The following DPYD variants were observed in gnomAD, a reference collection of about 807,000 sequenced individuals.
DPYD encodes dihydropyrimidine dehydrogenase.
DPYD carries 109 observed loss-of-function variants against 116.2 expected under a neutral mutation model. The observed-to-expected ratio is 0.94, with a 90% CI of 0.80 to 1.10. The LOEUF is 1.10. Ranked by LOEUF, DPYD falls within the 50% of genes least tolerant of loss-of-function variation. The pLI is 0.00. For synonymous variants in DPYD, 440 were observed against 432.0 expected, an observed-to-expected ratio of 1.02 and a Z score of -0.23; for missense variants, 1,302 against 1,254.5, an observed-to-expected ratio of 1.04 and a Z score of -0.57.
intron 3 of DPYD, among the ~76,000 whole-genome samples, chr1:97,768,315 T>C (rs1665975135): frequency 6.6e-6 from 1 of 152,156 alleles, no homozygotes; most frequent in Non-Finnish European, 1.5e-5. Flanking sequence ...AATGAGGCCA[T>C]AGACATGGGA....
chr1:97,478,763 A>G (rs1374972224), intron 13 of DPYD, among the ~76,000 whole-genome samples: 1 of 152,210 alleles, frequency 6.6e-6, no homozygotes, highest in Non-Finnish European at 1.5e-5. Flanking sequence ...TTCTTCCAAT[A>G]TAAGGCTGTT....
intron 3 of DPYD, among the ~76,000 whole-genome samples, chr1:97,753,444 T>G (rs879938048): frequency 6.6e-6 from 1 of 152,196 alleles, no homozygotes; most frequent in Non-Finnish European, 1.5e-5. Context: ...TATCCAGGTT[T>G]GACTTGCTCT....
At chr1:97,379,729 G>A (rs937983371) in intron 15 of DPYD, among the ~76,000 whole-genome samples, 1 of 152,192 alleles carries the variant, frequency 6.6e-6, no homozygotes, top group African/African-American at 2.4e-5. Context: ...TGAAGGGGCA[G>A]GACATGCAAC....
At chr1:97,145,666 G>T (rs900429275) in intron 20 of DPYD, among the ~76,000 whole-genome samples, 7 of 151,424 alleles carry the variant, frequency 4.6e-5, no homozygotes, top group African/African-American at 1.5e-4. Context: ...TCACTGTAAT[G>T]AATGCGTGCT....
At chr1:97,751,949 G>A (rs115350011) in intron 3 of DPYD, among the ~76,000 whole-genome samples, 3,329 of 151,984 alleles carry the variant, frequency 0.022, 65 homozygotes, top group Non-Finnish European at 0.035. Flanking sequence ...TTTTATTAGA[G>A]ACTTTCACCA....
intron 18 of DPYD, among the ~76,000 whole-genome samples, chr1:97,284,669 C>A (rs1314436430): frequency 6.6e-6 from 1 of 151,996 alleles, no homozygotes; most frequent in Non-Finnish European, 1.5e-5. Context: ...TCTGCTCCCC[C>A]ACTCCCATCC....
chr1:97,616,030 C>T (rs1362321967), intron 8 of DPYD, among the ~76,000 whole-genome samples: 1 of 152,076 alleles, frequency 6.6e-6, no homozygotes, highest in Non-Finnish European at 1.5e-5. Flanking sequence ...ACTGTCACTC[C>T]CTACCCCAAA....
At chr1:97,284,905 C>T (rs1341213601) in intron 18 of DPYD, among the ~76,000 whole-genome samples, 2 of 152,158 alleles carry the variant, frequency 1.3e-5, no homozygotes, top group Non-Finnish European at 2.9e-5. Context: ...CCATTTCCCA[C>T]GTATTTTCCT....
At chr1:97,729,403 G>T (rs2101044370) in intron 4 of DPYD, among the ~76,000 whole-genome samples, 1 of 152,232 alleles carries the variant, frequency 6.6e-6, no homozygotes, top group East Asian at 1.9e-4. Flanking sequence ...GCATGGATAA[G>T]ATGCCTATTC....
At chr1:97,640,849 C>G (rs1480422727) in intron 8 of DPYD, among the ~76,000 whole-genome samples, 1 of 152,124 alleles carries the variant, frequency 6.6e-6, no homozygotes, top group Non-Finnish European at 1.5e-5. Flanking sequence ...GAGGCCAAAA[C>G]AGTGATAGAA....
At chr1:97,158,766 G>GCACC (rs759657455) in intron 20 of DPYD, among the ~76,000 whole-genome samples, 15 of 152,094 alleles carry the variant, frequency 9.9e-5, no homozygotes, top group Non-Finnish European at 2.2e-4. Flanking sequence ...CAGAGAGGGA[G>GCACC]CACCAGATTC....
At chr1:97,833,886 C>T (rs897203001) in intron 2 of DPYD, among the ~76,000 whole-genome samples, 2 of 151,824 alleles carry the variant, frequency 1.3e-5, no homozygotes, top group African/African-American at 4.8e-5. Flanking sequence ...CATAAGACTC[C>T]TATGAGAGTA....
intron 8 of DPYD, among the ~76,000 whole-genome samples, chr1:97,671,508 CAAAA>C (rs1210794731): frequency 6.6e-6 from 1 of 151,578 alleles, no homozygotes; most frequent in Admixed American, 6.6e-5. Flanking sequence ...TTGTCAAAAA[CAAAA>C]AAAGATAAAA....
intron 9 of DPYD, among the ~76,000 whole-genome samples, chr1:97,594,641 A>G (rs1654752338): frequency 6.6e-6 from 1 of 152,166 alleles, no homozygotes; most frequent in African/African-American, 2.4e-5. Context: ...TAGGGTGTCT[A>G]TCAAAGTATT....
intron 19 of DPYD, among the ~76,000 whole-genome samples, chr1:97,229,803 T>C (rs529539459): frequency 2.0e-4 from 30 of 152,096 alleles, no homozygotes; most frequent in African/African-American, 7.2e-4. Context: ...AACCTATGTG[T>C]GAAACTTTAC....
At chr1:97,532,567 G>GTCTT (rs1649706646) in intron 12 of DPYD, among the ~76,000 whole-genome samples, 1 of 151,952 alleles carries the variant, frequency 6.6e-6, no homozygotes, top group Non-Finnish European at 1.5e-5. Flanking sequence ...TTTGTTATTG[G>GTCTT]TCTTTTCAGG....
chr1:97,846,172 C>A (rs559450389), intron 2 of DPYD, among the ~76,000 whole-genome samples: 3 of 152,294 alleles, frequency 2.0e-5, no homozygotes, highest in African/African-American at 7.2e-5. Flanking sequence ...AGGTTTCCGG[C>A]TGGTGAAGTG....
intron 3 of DPYD, among the ~76,000 whole-genome samples, chr1:97,767,904 A>G (rs1044195658): frequency 3.9e-5 from 6 of 152,212 alleles, no homozygotes; most frequent in Middle Eastern, 3.4e-3. Context: ...CTAGATAATC[A>G]TTTTAGGTTC....
chr1:97,409,264 A>G (rs1377443812), intron 14 of DPYD, among the ~76,000 whole-genome samples: 1 of 152,172 alleles, frequency 6.6e-6, no homozygotes, highest in African/African-American at 2.4e-5. Context: ...TTATTTTATG[A>G]GACGTAGCTC....
Sources: gnomAD v4.1 joint callset for allele counts (sites outside exome capture counted in the v4.1 genomes callset) on GRCh38, gnomAD v4.1.1 for gene constraint, MANE v1.5 for transcripts, NCBI Gene and HGNC (gene_info 2026-07-23, HGNC 2026-07-21) for gene names.